The following MAPKBP1 variants were observed in gnomAD, a reference collection of about 807,000 sequenced individuals.
The protein encoded by MAPKBP1 is mitogen-activated protein kinase binding protein 1, also known as mitogen-activated protein kinase-binding protein 1.
Under a neutral mutation model 170.5 loss-of-function variants are expected in MAPKBP1, and 71 were observed. The ratio of observed to expected loss-of-function variants is 0.42; its 90% CI spans 0.34 to 0.51. The LOEUF is 0.51. MAPKBP1 is among the 20% of genes least tolerant of loss of function. The pLI is 0.06. For missense variants in MAPKBP1, 1,598 were observed against 1,933.0 expected, an observed-to-expected ratio of 0.83 and a Z score of 3.25; for synonymous variants, 719 against 757.9, an observed-to-expected ratio of 0.95 and a Z score of 0.84.
In MAPKBP1 at chr15:41,819,357, C is replaced by T. The variant is rs1567153440; in HGVS notation, c.2403C>T (p.Ala801=). The change falls in exon 21 of 31, where the codon GCC becomes GCT. Residue 801 remains alanine (A), a synonymous_variant. Transcript: ENST00000457542. The part of the protein sequence containing the change: ...EEELPALPVL[A]KSTKKALASV... Reference sequence around the variant, plus strand: ...AACTTCCAGCACTGCCCGTCCTTGCCAAGAGTACCAAGAAGGCACTGGGTC... The same window carrying T: ...AACTTCCAGCACTGCCCGTCCTTGCTAAGAGTACCAAGAAGGCACTGGGTC... 1 of 1,614,136 alleles carries T rather than the reference C, an allele frequency of 6.2e-7. No homozygotes were observed. Among genetic ancestry groups the T allele is most frequent in the Non-Finnish European group, 8.5e-7 (1 of 1,180,030 alleles).
At chr15:41,780,615 C>G (rs1035470734) in intron 2 of MAPKBP1, among the ~76,000 whole-genome samples, 2 of 152,170 alleles carry the variant, frequency 1.3e-5, no homozygotes, top group South Asian at 4.1e-4. Context: ...CCTCTGGGCT[C>G]CATTGTTTAA....
Position 41,786,777 on chromosome 15 carries a change from A to AAAAAAAATATAT in MAPKBP1, c.114+11389_114+11390insAAAAAATATATA. On this transcript the variant is annotated intron_variant, in intron 2 of 30. Transcript: ENST00000457542. ...CAGACTCCGTCTAAAAAAAAAAAAA[A>AAAAAAAATATAT]ATATATATATATATATATATATATA... Among the ~76,000 whole-genome samples, 9 of 32,452 alleles carry AAAAAAAATATAT rather than the reference A, an allele frequency of 2.8e-4. 1 individual carries two copies. Among genetic ancestry groups the AAAAAAAATATAT allele is most frequent in the African/African-American group, 1.2e-3 (9 of 7,632 alleles). 21.3% of individuals were successfully genotyped at this position (32,452 alleles called of 152,430 possible).
rs1429218426 is a variant in MAPKBP1 at position 41,817,355 on chromosome 15, C to T, written c.1712-33C>T. ...GCAGGCTGCTCCCATGTGGTGAGAA[C>T]AGTGGGAACAGCTGGGCTTCCCTCC... is the stretch of plus-strand genomic sequence containing the variant. On this transcript the variant is annotated intron_variant, in intron 14 of 30. Transcript: ENST00000457542. This position sits in a 1 kb window ranked among gnomAD's most constrained non-coding sequence, Gnocchi z 4.2. 6.2e-7 allele frequency: 1 copy of T among 1,603,604 alleles called. No individual in the cohort carries two copies. Among genetic ancestry groups the T allele is most frequent in the Non-Finnish European group, 8.5e-7 (1 of 1,170,562 alleles).
In MAPKBP1 at chr15:41,823,231, C is replaced by T. The variant is rs1196438058; in HGVS notation, c.3598+9C>T. The T allele has an allele frequency of 1.2e-6, 2 of 1,610,286 alleles. No homozygotes were observed. Among genetic ancestry groups the T allele is most frequent in the Admixed American group, 1.7e-5 (1 of 59,824 alleles). ...CAGTCTGGTGCCACAGGGTGAGAAG[C>T]CTGATGGGTTCAGTGCCAGGGTGCA... On this transcript the variant is annotated intron_variant, in intron 28 of 30. Coordinates refer to ENST00000457542, the MANE Select transcript of MAPKBP1 (RefSeq NM_014994.3).
intron 2 of MAPKBP1, among the ~76,000 whole-genome samples, chr15:41,783,583 C>T (rs2064226685): frequency 1.3e-5 from 2 of 152,100 alleles, no homozygotes; most frequent in Admixed American, 6.5e-5. Flanking sequence ...ATTATAGGTG[C>T]AAAAGTATGA....
At chr15:41,794,664 C>T (rs964963636) in intron 2 of MAPKBP1, among the ~76,000 whole-genome samples, 1 of 152,180 alleles carries the variant, frequency 6.6e-6, no homozygotes, top group African/African-American at 2.4e-5. Flanking sequence ...CTCTGTAAGG[C>T]ATTCATTTAT....
At chr15:41,794,907 G>C (rs1175042535) in intron 2 of MAPKBP1, among the ~76,000 whole-genome samples, 2 of 152,178 alleles carry the variant, frequency 1.3e-5, no homozygotes, top group African/African-American at 4.8e-5. Context: ...GCTCATGCCT[G>C]TGATCCCAGC....
chr15:41,813,038 G>T lies in MAPKBP1; in HGVS notation c.756G>T (p.Thr252=), dbSNP rs748071153. 5.6e-6 allele frequency: 9 copies of T among 1,613,692 alleles called. No individual in the cohort carries two copies. The African/African-American group carries it at 6.7e-5, about 12-fold the overall frequency. ...AGGCGGACAGTACCTTCTGCATCACGTCCTCAGGGCTGCTGTGCGAGTTCA... is the reference window on the plus strand; with the variant it reads ...AGGCGGACAGTACCTTCTGCATCACTTCCTCAGGGCTGCTGTGCGAGTTCA... ...GKKADSTFCI[T]SSGLLCEFSD... is the part of the protein sequence containing the mutation. Residue 252 remains threonine, a synonymous_variant, in exon 8 of 31, where the codon ACG becomes ACT. Coordinates refer to ENST00000457542, the MANE Select transcript of MAPKBP1 (RefSeq NM_014994.3).
At chr15:41,809,691 T>C (rs2064769052) in intron 3 of MAPKBP1, among the ~76,000 whole-genome samples, 1 of 152,224 alleles carries the variant, frequency 6.6e-6, no homozygotes, top group South Asian at 2.1e-4. Flanking sequence ...CCAGGAAGCC[T>C]AAAGAGAAGC....
chr15:41,789,073 A>C (rs114148148), intron 2 of MAPKBP1, among the ~76,000 whole-genome samples: 2,807 of 151,942 alleles, frequency 0.018, 82 homozygotes, highest in African/African-American at 0.065. Context: ...AGCCCTCCAC[A>C]CTCCCCTTTT....
chr15:41,799,854 T>C lies in MAPKBP1; in HGVS notation c.146T>C (p.Val49Ala). ...TTGGAGAAGGTGCTGGGAATTACAG[T>C]GTCTGGAGGCAGAGGACTTGCCTGT... ...VTLEKVLGIT[V>A]SGGRGLACDP... The change falls in exon 3 of 31, where the codon GTG becomes GCG. Residue 49 changes from valine (V) to alanine (A), a missense_variant. Physicochemically the swap from Val to Ala is moderately conservative, Grantham distance 64. This residue lies in a region of MAPKBP1 where 151 missense variants were observed against 191.4 expected (regional missense o/e 0.79). Transcript: ENST00000457542. 6.2e-7 allele frequency: 1 copy of C among 1,614,092 alleles called. No individual in the cohort carries two copies. Among genetic ancestry groups the C allele is most frequent in the Non-Finnish European group, 8.5e-7 (1 of 1,179,972 alleles).
At chr15:41,819,547 C>CAGGT in intron 21 of MAPKBP1, 48 bp from the exon 22 acceptor site, 6 of 1,228,204 alleles carry the variant, frequency 4.9e-6, no homozygotes, top group Non-Finnish European at 6.6e-6. Flanking sequence ...GGTTGGGTGG[C>CAGGT]GGGGGGGGGG....
Position 41,816,611 on chromosome 15 carries a change from TC to T in MAPKBP1, c.1547del (p.Ser516LeufsTer15). 6.2e-7 allele frequency: 1 copy of T among 1,613,998 alleles called. No individual in the cohort carries two copies. On this transcript the variant is annotated frameshift_variant, in exon 13 of 31. Coordinates refer to ENST00000457542, the MANE Select transcript of MAPKBP1 (RefSeq NM_014994.3). LOFTEE classifies it high-confidence loss of function. ...GATGCTGAAGGTGGAGGCCCATGAC[TC>T]TGAGATTCTGTGCCTGGAGTATTCT... ...SEMLKVEAHD[S>X]EILCLEYSKP...
chr15:41,822,185 TG>T, intron 25 of MAPKBP1, 39 bp from the exon 26 acceptor site: 5 of 1,604,634 alleles, frequency 3.1e-6, no homozygotes, highest in Non-Finnish European at 3.4e-6. Flanking sequence ...TGGCAACAGA[TG>T]GGTGCAGTGC....
intron 20 of MAPKBP1, 112 bp from the exon 21 acceptor site, chr15:41,819,134 T>TATTGAGTCTCATATTCCCCTC (rs2064942828): frequency 6.9e-7 from 1 of 1,449,776 alleles, no homozygotes; most frequent in African/African-American, 1.4e-5. Context: ...CCTCTCCCCC[T>TATTGAGTCTCATATTCCCCTC]ATTGAGTCTC....
rs1300267496 is a variant in MAPKBP1, at chr15:41,823,443, G to T, written c.3599-4G>T. 1 of 1,607,810 alleles carries T rather than the reference G, an allele frequency of 6.2e-7. No homozygotes were observed. On this transcript the variant is annotated splice_region_variant and splice_polypyrimidine_tract_variant and intron_variant, in intron 28 of 30. Coordinates refer to ENST00000457542, the MANE Select transcript of MAPKBP1 (RefSeq NM_014994.3). ...ACCTGTGTATACCTCTGTCTCCTTT[G>T]CAGAAAGACATGAGGCCAGTCTGCA...
chr15:41,786,539 C>T (rs1341714420), intron 2 of MAPKBP1, among the ~76,000 whole-genome samples: 6 of 151,188 alleles, frequency 4.0e-5, no homozygotes, highest in South Asian at 2.1e-4. Context: ...CCAAGGCGGG[C>T]GGATCACAAG....
chr15:41,810,613 G>T lies in MAPKBP1; in HGVS notation c.207-270G>T, dbSNP rs2064787345. ...ACATGCCTGTGGTTCCAGCTACTAG[G>T]GAGGCTAAGGTGGGAGGATTGCTTG... On this transcript the variant is annotated intron_variant, in intron 3 of 30. Coordinates refer to ENST00000457542, the MANE Select transcript of MAPKBP1 (RefSeq NM_014994.3). 5 of 416,508 alleles carry T rather than the reference G, an allele frequency of 1.2e-5. No individual in the cohort carries two copies. The South Asian group carries it at 3.2e-4, about 26-fold the overall frequency. The allele number at this position is 416,508 out of a possible 1,614,324, so 25.8% of individuals were successfully genotyped here.
intron 22 of MAPKBP1, among the ~76,000 whole-genome samples, chr15:41,819,932 T>C (rs1314858781): frequency 1.3e-5 from 2 of 152,114 alleles, no homozygotes; most frequent in African/African-American, 4.8e-5. Context: ...TTCAGCTGCC[T>C]GGTGCCTGGA....
Sources: gnomAD v4.1 joint callset for allele counts (sites outside exome capture counted in the v4.1 genomes callset) on GRCh38, gnomAD v4.1.1 for gene constraint, gnomAD v4.1.1 regional missense constraint, Gnocchi (gnomAD v3.1) non-coding constraint, MANE v1.5 for transcripts, NCBI Gene and HGNC (gene_info 2026-07-23, HGNC 2026-07-21) for gene names.